The following WWOX variants were observed in gnomAD, a reference collection of about 807,000 sequenced individuals.
WWOX encodes WW domain-containing oxidoreductase.
WWOX carries 69 observed loss-of-function variants against 46.2 expected under a neutral mutation model. The ratio of observed to expected loss-of-function variants is 1.49; its 90% confidence interval spans 1.23 to 1.82. The LOEUF (loss-of-function observed/expected upper bound fraction) is 1.82, where lower values mean the gene tolerates loss of function less well. Ranked by LOEUF, WWOX falls within the 40% of genes most tolerant of loss-of-function variation. WWOX has a pLI of 0.00. For missense variants in WWOX, 919 were observed against 542.6 expected, an observed-to-expected ratio of 1.69 and a Z score of -6.89; for synonymous variants, 359 against 202.6, an observed-to-expected ratio of 1.77 and a Z score of -6.56.
intron 8 of WWOX, among the ~76,000 whole-genome samples, chr16:78,882,939 A>G (rs953670545): frequency 1.2e-4 from 18 of 152,138 alleles, no homozygotes; most frequent in Non-Finnish European, 2.2e-4. Context: ...AACCGGCACC[A>G]GCGATGTCGT....
intron 8 of WWOX, among the ~76,000 whole-genome samples, chr16:78,780,930 G>C (rs1450240154): frequency 1.3e-5 from 2 of 152,208 alleles, no homozygotes; most frequent in African/African-American, 4.8e-5. Flanking sequence ...TCAGAGAGCA[G>C]CAGCAGAAGT....
At chr16:78,742,019 C>G (rs995542892) in intron 8 of WWOX, among the ~76,000 whole-genome samples, 11 of 152,132 alleles carry the variant, frequency 7.2e-5, no homozygotes, top group African/African-American at 1.9e-4. Flanking sequence ...CCACCCCCTA[C>G]GATGTCTATG....
At chr16:79,043,431 G>C (rs1291298069) in intron 8 of WWOX, among the ~76,000 whole-genome samples, 1 of 152,160 alleles carries the variant, frequency 6.6e-6, no homozygotes, top group Non-Finnish European at 1.5e-5. Context: ...ATGAGAGACA[G>C]AACTGAACTC....
intron 8 of WWOX, among the ~76,000 whole-genome samples, chr16:79,163,474 C>A (rs1437183567): frequency 6.6e-6 from 1 of 152,146 alleles, no homozygotes. Flanking sequence ...GTGCCTTGCA[C>A]ACAGTCAGTA....
At chr16:78,927,904 A>C (rs1044879010) in intron 8 of WWOX, among the ~76,000 whole-genome samples, 19 of 152,162 alleles carry the variant, frequency 1.2e-4, no homozygotes, top group Admixed American at 1.1e-3. Flanking sequence ...ACACTTACAT[A>C]TTCCTAGCCA....
intron 8 of WWOX, among the ~76,000 whole-genome samples, chr16:78,528,825 A>G (rs2043546287): frequency 6.6e-6 from 1 of 152,150 alleles, no homozygotes. Flanking sequence ...GATTGGTAGA[A>G]ATCAGGCAAC....
At chr16:79,048,417 C>T (rs2048106148) in intron 8 of WWOX, among the ~76,000 whole-genome samples, 1 of 152,174 alleles carries the variant, frequency 6.6e-6, no homozygotes, top group South Asian at 2.1e-4. Context: ...CAACTGATTA[C>T]CGTCCCCCGT....
chr16:78,760,481 A>T (rs1290946443), intron 8 of WWOX, among the ~76,000 whole-genome samples: 1 of 152,216 alleles, frequency 6.6e-6, no homozygotes, highest in African/African-American at 2.4e-5. Context: ...ATTAGGACTT[A>T]GACACCTTCA....
At chr16:78,162,405 C>T (rs1286751577) in intron 4 of WWOX, among the ~76,000 whole-genome samples, 1 of 151,922 alleles carries the variant, frequency 6.6e-6, no homozygotes, top group Non-Finnish European at 1.5e-5. Flanking sequence ...TGTGTATCTA[C>T]ACACACATAC....
intron 8 of WWOX, among the ~76,000 whole-genome samples, chr16:78,549,767 G>A (rs1479379497): frequency 1.3e-5 from 2 of 152,278 alleles, no homozygotes; most frequent in South Asian, 2.1e-4. Context: ...TGAAGCCTAA[G>A]GGTAAGATGA....
At chr16:78,404,927 T>C (rs2082492390) in intron 6 of WWOX, among the ~76,000 whole-genome samples, 1 of 152,230 alleles carries the variant, frequency 6.6e-6, no homozygotes, top group Admixed American at 6.5e-5. Flanking sequence ...TCAGATATCA[T>C]GCCCATTGCA....
Position 79,081,362 on chromosome 16 carries a change from C to G in WWOX, c.1057-130246C>G, listed in dbSNP as rs569419682. Among the ~76,000 whole-genome samples the G allele has an allele frequency of 1.2e-4, 19 of 152,264 alleles. No individual in the cohort carries two copies. In the East Asian group the frequency reaches 3.5e-3, roughly 28 times the overall value. ...TATTTTCAGTAGAGATGGGGTTTTG[C>G]CGTGTTGGCCAGGCTGGTCTTGAAT... On this transcript the variant is annotated intron_variant, in intron 8 of 8. Coordinates refer to ENST00000566780, the MANE Select transcript of WWOX (RefSeq NM_016373.4).
chr16:78,714,870 G>T (rs183415497), intron 8 of WWOX, among the ~76,000 whole-genome samples: 309 of 152,294 alleles, frequency 2.0e-3, no homozygotes, highest in Non-Finnish European at 3.1e-3. Context: ...GCCAGAGAGA[G>T]ATTGATAAGA....
intron 8 of WWOX, among the ~76,000 whole-genome samples, chr16:79,193,809 G>A (rs1479568877): frequency 1.3e-5 from 2 of 152,122 alleles, no homozygotes; most frequent in African/African-American, 4.8e-5. Flanking sequence ...GGGAGAAGCT[G>A]AATCAGTAGA....
chr16:78,531,950 A>G (rs914925065), intron 8 of WWOX, among the ~76,000 whole-genome samples: 1 of 152,096 alleles, frequency 6.6e-6, no homozygotes, highest in Non-Finnish European at 1.5e-5. Flanking sequence ...CACCTTCCCA[A>G]AAGGGTGGGA....
chr16:78,924,388 C>G (rs1396590181), intron 8 of WWOX, among the ~76,000 whole-genome samples: 3 of 152,160 alleles, frequency 2.0e-5, no homozygotes, highest in Admixed American at 6.5e-5. Flanking sequence ...TGGAACTTGT[C>G]TATCCACAAA....
intron 4 of WWOX, among the ~76,000 whole-genome samples, chr16:78,122,897 G>T (rs769064395): frequency 4.6e-5 from 7 of 152,138 alleles, no homozygotes; most frequent in Non-Finnish European, 7.3e-5. Flanking sequence ...TAGCCACCAT[G>T]CCCGGGGGTG....
At chr16:78,614,219 C>CT (rs1269833102) in intron 8 of WWOX, among the ~76,000 whole-genome samples, 2 of 152,222 alleles carry the variant, frequency 1.3e-5, no homozygotes, top group African/African-American at 4.8e-5. Flanking sequence ...ATTGAAAGAA[C>CT]TATCTGTGTT....
At chr16:78,782,897 A>G (rs567290897) in intron 8 of WWOX, among the ~76,000 whole-genome samples, 1 of 152,160 alleles carries the variant, frequency 6.6e-6, no homozygotes, top group African/African-American at 2.4e-5. Context: ...CTCAGAATGT[A>G]TTGTTTTATA....
Sources: gnomAD v4.1 joint callset for allele counts (sites outside exome capture counted in the v4.1 genomes callset) on GRCh38, gnomAD v4.1.1 for gene constraint, MANE v1.5 for transcripts, NCBI Gene and HGNC (gene_info 2026-07-23, HGNC 2026-07-21) for gene names.